CA13: variants seen among roughly 807,000 people sequenced by gnomAD.
The protein encoded by CA13 is CA-XIII.
Under a neutral mutation model 31.5 loss-of-function variants are expected in CA13, and 21 were observed. The ratio of observed to expected loss-of-function variants is 0.67; its 90% CI spans 0.47 to 0.96. The LOEUF is 0.96. Among genes scored for constraint, CA13 ranks in the 40% least tolerant of loss-of-function variants. The pLI is 0.00. For missense variants in CA13, 315 were observed against 318.9 expected, an observed-to-expected ratio of 0.99 and a Z score of 0.09; for synonymous variants, 117 against 111.4, an observed-to-expected ratio of 1.05 and a Z score of -0.32.
intron 3 of CA13, among the ~76,000 whole-genome samples, chr8:85,263,472 A>G (rs2129977483): frequency 6.6e-6 from 1 of 152,342 alleles, no homozygotes; most frequent in South Asian, 2.1e-4. Flanking sequence ...TCAAGTGAGC[A>G]GTGACAGTAA....
rs1359315358 is a variant in CA13, at chr8:85,268,499, G to C, written c.541G>C (p.Asp181His). ...KGKQTRFTNF[D>H]LLSLLPPSWD... is the part of the protein sequence containing the mutation. Reference sequence around the variant, plus strand: ...TAAACAAACTCGATTCACAAATTTTGACCTATTGTCTCTGCTTCCACCATC... The same window carrying C: ...TAAACAAACTCGATTCACAAATTTTCACCTATTGTCTCTGCTTCCACCATC... The change falls in exon 6 of 7, where the codon GAC becomes CAC. Residue 181 changes from aspartate to histidine, a missense_variant. Physicochemically the swap from Asp to His is moderately conservative, Grantham distance 81. Coordinates refer to ENST00000321764, the MANE Select transcript of CA13 (RefSeq NM_198584.3). 4 of 1,613,882 alleles carry C rather than the reference G, an allele frequency of 2.5e-6. No individual in the cohort carries two copies. The highest frequency in any genetic ancestry group is 1.3e-5 in the African/African-American group (1 of 74,906).
In CA13 at chr8:85,264,697, G is replaced by A. The variant is rs186556577; in HGVS notation, c.355-1911G>A. On this transcript the variant is annotated intron_variant, in intron 3 of 6. Transcript: ENST00000321764. ...AATCAGTTCTGGTTGTGATCCTAAC[G>A]AAGTCATTCTATATCTTTCTCTGTT... Among the ~76,000 whole-genome samples the A allele has an allele frequency of 4.2e-3, 645 of 152,150 alleles. 16 individuals carry two copies. Among genetic ancestry groups the A allele is most frequent in the Admixed American group, 0.038 (574 of 15,276 alleles).
chr8:85,252,932 G>GT (rs1254038167), intron 2 of CA13, among the ~76,000 whole-genome samples: 2 of 151,236 alleles, frequency 1.3e-5, no homozygotes, highest in African/African-American at 4.9e-5. Flanking sequence ...CATAAAAGTA[G>GT]TAAGTTTTTT....
Position 85,281,609 on chromosome 8 carries a change from C to T in CA13, c.*260C>T, listed in dbSNP as rs911681844. 6 of 640,596 alleles carry T rather than the reference C, an allele frequency of 9.4e-6. No homozygotes were observed. The Middle Eastern group carries it at 2.1e-3, about 220-fold the overall frequency. 39.7% of individuals were successfully genotyped at this position (640,596 alleles called of 1,614,324 possible). Reference sequence around the variant, plus strand: ...CTAATTGCAGCCTCCAACTCCTGGACTCAAGTGATCCTCCCACCTCAGCCT... The same window carrying T: ...CTAATTGCAGCCTCCAACTCCTGGATTCAAGTGATCCTCCCACCTCAGCCT... On this transcript the variant is annotated 3_prime_UTR_variant, in exon 7 of 7. Coordinates refer to ENST00000321764, the MANE Select transcript of CA13 (RefSeq NM_198584.3).
At position 85,283,141 on chromosome 8, in the gene CA13, C is replaced by G. The variant is rs1446247322; in HGVS notation, c.*1792C>G. On this transcript the variant is annotated 3_prime_UTR_variant, in exon 7 of 7. Coordinates refer to ENST00000321764, the MANE Select transcript of CA13 (RefSeq NM_198584.3). ...GTTTTGCAATGTTGGCCAGGCTGGT[C>G]TCAAACTCCTGACCTCAAGTGATCT... 3 of 152,178 alleles carry G rather than the reference C, an allele frequency of 2.0e-5. No homozygotes were observed. The highest frequency in any genetic ancestry group is 4.4e-5 in the Non-Finnish European group (3 of 68,044). 9.4% of individuals were successfully genotyped at this position (152,178 alleles called of 1,614,324 possible). A position where few individuals can be genotyped will look rare whatever the true frequency, so the allele number is the denominator to read the frequency against.
intron 6 of CA13, among the ~76,000 whole-genome samples, chr8:85,276,528 C>T (rs890643771): frequency 1.3e-5 from 2 of 152,252 alleles, no homozygotes; most frequent in Non-Finnish European, 2.9e-5. Flanking sequence ...TTATGTCTAG[C>T]TAAGGGATTG....
At chr8:85,250,505 G>A (rs557442942) in intron 1 of CA13, among the ~76,000 whole-genome samples, 1 of 151,886 alleles carries the variant, frequency 6.6e-6, no homozygotes, top group Non-Finnish European at 1.5e-5. Flanking sequence ...TGTCTACAAG[G>A]GTTACTTTAA....
intron 6 of CA13, among the ~76,000 whole-genome samples, chr8:85,273,370 C>G (rs749615289): frequency 2.0e-5 from 3 of 152,100 alleles, no homozygotes; most frequent in African/African-American, 7.2e-5. Context: ...TTCAAATCAT[C>G]TGTACATTTT....
chr8:85,249,039 T>C (rs1283410203), intron 1 of CA13, among the ~76,000 whole-genome samples: 1 of 152,254 alleles, frequency 6.6e-6, no homozygotes, highest in African/African-American at 2.4e-5. Flanking sequence ...CAAGGACTTC[T>C]GATGCTCAAG....
At chr8:85,277,422 A>G (rs957604710) in intron 6 of CA13, among the ~76,000 whole-genome samples, 5 of 152,018 alleles carry the variant, frequency 3.3e-5, no homozygotes, top group Non-Finnish European at 7.4e-5. Context: ...CAGAAGGAGG[A>G]AACTCTGAGC....
At chr8:85,276,594 A>G (rs958153629) in intron 6 of CA13, among the ~76,000 whole-genome samples, 17 of 152,192 alleles carry the variant, frequency 1.1e-4, no homozygotes, top group Non-Finnish European at 1.8e-4. Flanking sequence ...CACACCAATC[A>G]GCACCCTGTG....
In CA13 at chr8:85,259,503, C is replaced by T. The variant is rs141921500; in HGVS notation, c.318C>T (p.Ser106=). ...GGGGGTCCGCTGATGACCACGGCTC[C>T]GAGCACATAGTAGATGGAGTGAGCT... ...LHWGSADDHG[S]EHIVDGVSYA... is the part of the protein sequence containing the mutation. Residue 106 remains serine (S), a synonymous_variant, in exon 3 of 7, where the codon TCC becomes TCT. Transcript: ENST00000321764. 477 of 1,614,008 alleles carry T rather than the reference C, an allele frequency of 3.0e-4. 4 individuals carry two copies. The South Asian group carries it at 4.7e-3, about 16-fold the overall frequency.
chr8:85,245,820 C>A lies in CA13; in HGVS notation c.-9C>A. 1 of 1,614,100 alleles carries A rather than the reference C, an allele frequency of 6.2e-7. No homozygotes were observed. The highest frequency in any genetic ancestry group is 8.5e-7 in the Non-Finnish European group (1 of 1,179,962). On this transcript the variant is annotated 5_prime_UTR_variant, in exon 1 of 7. Transcript: ENST00000321764. Reference sequence around the variant, plus strand: ...TCACATCTTTCTCTTCCTTCCACCCCGAGGGACCATGTCGAGGCTCAGCTG... The same window carrying A: ...TCACATCTTTCTCTTCCTTCCACCCAGAGGGACCATGTCGAGGCTCAGCTG...
intron 1 of CA13, among the ~76,000 whole-genome samples, chr8:85,248,700 T>A (rs1813773838): frequency 6.6e-6 from 1 of 152,172 alleles, no homozygotes; most frequent in Non-Finnish European, 1.5e-5. Context: ...ATTGGGAATG[T>A]GATACAAACA....
At chr8:85,256,455 C>A (rs187900046) in intron 2 of CA13, among the ~76,000 whole-genome samples, 170 of 152,328 alleles carry the variant, frequency 1.1e-3, no homozygotes, top group Non-Finnish European at 1.0e-3. Context: ...CTTTAATTTT[C>A]ATCTCTAGAA....
chr8:85,267,568 G>A (rs1298916719), intron 4 of CA13, among the ~76,000 whole-genome samples: 2 of 152,092 alleles, frequency 1.3e-5, no homozygotes, highest in Admixed American at 6.6e-5. Flanking sequence ...AGTAGTGCAG[G>A]TTATTTGTTA....
intron 6 of CA13, among the ~76,000 whole-genome samples, chr8:85,270,116 G>A (rs1346663426): frequency 6.6e-6 from 1 of 152,222 alleles, no homozygotes; most frequent in Non-Finnish European, 1.5e-5. Context: ...GTTCTTGGAT[G>A]CTGTGCTTCT....
rs751820737 is a variant in CA13 at position 85,245,850 on chromosome 8, T to TA, written c.23dup (p.Tyr8Ter). The TA allele has an allele frequency of 1.9e-6, 3 of 1,614,156 alleles. No individual in the cohort carries two copies. The highest frequency in any genetic ancestry group is 8.5e-7 in the Non-Finnish European group (1 of 1,180,024). ...GACCATGTCGAGGCTCAGCTGGGGATACCGCGAGCACAACGGTGAGCGCCT... is the reference window on the plus strand; with the variant it reads ...GACCATGTCGAGGCTCAGCTGGGGATAACCGCGAGCACAACGGTGAGCGCCT... MSRLSWG[Y>*]REHNGPIHWK... is the part of the protein sequence containing the mutation. Residue 8 changes from tyrosine to a stop codon, truncating the protein, a stop_gained and frameshift_variant, in exon 1 of 7, where the codon TAC becomes TAAC. Coordinates refer to ENST00000321764, the MANE Select transcript of CA13 (RefSeq NM_198584.3). LOFTEE classifies it high-confidence loss of function.
At chr8:85,269,962 ATCC>A (rs1457343359) in intron 6 of CA13, among the ~76,000 whole-genome samples, 9 of 152,092 alleles carry the variant, frequency 5.9e-5, no homozygotes, top group Middle Eastern at 6.8e-3. Flanking sequence ...GCCTTAAATG[ATCC>A]TCCTGCTTCG....
Sources: gnomAD v4.1 joint callset for allele counts (sites outside exome capture counted in the v4.1 genomes callset) on GRCh38, gnomAD v4.1.1 for gene constraint, MANE v1.5 for transcripts, NCBI Gene and HGNC (gene_info 2026-07-23, HGNC 2026-07-21) for gene names.